SPIRE1: variants seen among roughly 807,000 people sequenced by gnomAD.
SPIRE1 encodes the protein spire type actin nucleation factor 1, also known as protein spire homolog 1.
A neutral mutation model predicts 94.1 loss-of-function variants in SPIRE1; 40 were observed. That is an observed-to-expected ratio of 0.43 (90% CI 0.33 to 0.55). The LOEUF is 0.55. Among genes scored for constraint, SPIRE1 ranks in the 20% least tolerant of loss-of-function variants. SPIRE1 has a pLI of 0.06. For synonymous variants in SPIRE1, 376 were observed against 371.7 expected (o/e 1.01, Z -0.13); for missense variants, 838 against 975.2 (o/e 0.86, Z 1.87).
chr18:12,484,822 C>T (rs547993539), intron 9 of SPIRE1, among the ~76,000 whole-genome samples: 18 of 152,260 alleles, frequency 1.2e-4, no homozygotes, highest in Admixed American at 2.0e-4. Flanking sequence ...CTTTGGGAGG[C>T]CAAGGTTGGT....
At chr18:12,545,143 G>T (rs189703873) in intron 3 of SPIRE1, among the ~76,000 whole-genome samples, 1 of 152,074 alleles carries the variant, frequency 6.6e-6, no homozygotes, top group South Asian at 2.1e-4. Context: ...AAGTTTAATT[G>T]GCCTTTAAGT....
chr18:12,488,196 C>G (rs573837192), intron 8 of SPIRE1, among the ~76,000 whole-genome samples: 3 of 152,332 alleles, frequency 2.0e-5, no homozygotes, highest in South Asian at 4.1e-4. Flanking sequence ...TCTTTTAAAT[C>G]CTCTTCATAT....
At chr18:12,466,429 A>G (rs2032103622) in intron 10 of SPIRE1, among the ~76,000 whole-genome samples, 1 of 152,026 alleles carries the variant, frequency 6.6e-6, no homozygotes, top group Admixed American at 6.5e-5. Context: ...GGTGAGTGCC[A>G]CCACGCCCGG....
intron 2 of SPIRE1, among the ~76,000 whole-genome samples, chr18:12,588,225 ATATT>A (rs1385341790): frequency 6.6e-6 from 1 of 152,190 alleles, no homozygotes; most frequent in Non-Finnish European, 1.5e-5. Flanking sequence ...CAGTTGATAG[ATATT>A]TAGTTGTTTC....
intron 10 of SPIRE1, among the ~76,000 whole-genome samples, chr18:12,476,556 AAAAAAAAAATAT>A (rs1435684954): frequency 1.5e-3 from 127 of 85,296 alleles, no homozygotes; most frequent in African/African-American, 7.3e-3. Context: ...AAAAAAAAAA[AAAAAAAAAATAT>A]ATATATATAT....
intron 2 of SPIRE1, among the ~76,000 whole-genome samples, chr18:12,626,099 T>C (rs915277194): frequency 2.8e-5 from 4 of 141,808 alleles, no homozygotes; most frequent in African/African-American, 1.1e-4. Flanking sequence ...AGCCAGAAGG[T>C]AGAATCAATT....
chr18:12,561,270 T>A (rs1173408480), intron 2 of SPIRE1, among the ~76,000 whole-genome samples: 1 of 56,046 alleles, frequency 1.8e-5, no homozygotes, highest in Non-Finnish European at 6.5e-5. Flanking sequence ...ATAGATCAAT[T>A]TTTTTTTTTT....
At chr18:12,552,063 C>T (rs934220525) in intron 2 of SPIRE1, among the ~76,000 whole-genome samples, 19 of 152,334 alleles carry the variant, frequency 1.2e-4, no homozygotes, top group Admixed American at 5.9e-4. Flanking sequence ...GAGGCCAATG[C>T]CCACTCACAG....
chr18:12,475,349 A>G (rs562833386), intron 10 of SPIRE1, among the ~76,000 whole-genome samples: 49 of 152,286 alleles, frequency 3.2e-4, no homozygotes, highest in African/African-American at 1.2e-3. Flanking sequence ...ACCCTAAGAC[A>G]CTGTGCTCAC....
intron 4 of SPIRE1, among the ~76,000 whole-genome samples, chr18:12,523,230 A>G (rs920125993): frequency 1.3e-5 from 2 of 152,220 alleles, no homozygotes; most frequent in Non-Finnish European, 2.9e-5. Flanking sequence ...AGTCAACAGA[A>G]TAAGAAGTGG....
At chr18:12,615,343 A>ATATAT (rs1302326675) in intron 2 of SPIRE1, among the ~76,000 whole-genome samples, 2 of 35,400 alleles carry the variant, frequency 5.6e-5, no homozygotes, top group Non-Finnish European at 1.9e-4. Context: ...AAAAAAAAAA[A>ATATAT]AAATATATAT....
At chr18:12,573,222 A>G (rs2036002152) in intron 2 of SPIRE1, among the ~76,000 whole-genome samples, 1 of 152,238 alleles carries the variant, frequency 6.6e-6, no homozygotes, top group Admixed American at 6.5e-5. Flanking sequence ...GATGGAAAAT[A>G]AGCATATGAA....
chr18:12,649,613 A>G (rs2038321019), intron 1 of SPIRE1, among the ~76,000 whole-genome samples: 1 of 152,226 alleles, frequency 6.6e-6, no homozygotes, highest in South Asian at 2.1e-4. Flanking sequence ...GACCAATGAT[A>G]CAGGAGAGTG....
rs147296670 is a variant in SPIRE1 at position 12,483,419 on chromosome 18, T to A, written c.1231+2540A>T. Among the ~76,000 whole-genome samples the A allele has an allele frequency of 9.3e-3, 1,413 of 152,312 alleles. 11 individuals are homozygous for A. The highest frequency in any genetic ancestry group is 0.015 in the Non-Finnish European group (1,042 of 68,030). ...TTTCTTAAAAAAAAACTGGTGATAT[T>A]TATATGTAAGCAAAATATTTAAGAG... On this transcript the variant is annotated intron_variant, in intron 9 of 16. Coordinates refer to ENST00000409402, the MANE Select transcript of SPIRE1 (RefSeq NM_001128626.2).
At chr18:12,568,360 C>T (rs548361378) in intron 2 of SPIRE1, among the ~76,000 whole-genome samples, 3 of 152,244 alleles carry the variant, frequency 2.0e-5, no homozygotes, top group Admixed American at 6.5e-5. Flanking sequence ...TTACTCTTTC[C>T]TTTATATGCT....
At chr18:12,619,892 G>GA (rs2037418637) in intron 2 of SPIRE1, among the ~76,000 whole-genome samples, 1 of 149,486 alleles carries the variant, frequency 6.7e-6, no homozygotes, top group Non-Finnish European at 1.5e-5. Context: ...CATCCAAATT[G>GA]AAAATTAAGT....
chr18:12,541,796 A>C (rs945875299), intron 3 of SPIRE1, among the ~76,000 whole-genome samples: 1 of 152,120 alleles, frequency 6.6e-6, no homozygotes, highest in Non-Finnish European at 1.5e-5. Context: ...AGGCTAGTAC[A>C]ATCCACAGAA....
intron 6 of SPIRE1, among the ~76,000 whole-genome samples, chr18:12,501,936 C>T (rs1191323379): frequency 6.6e-6 from 1 of 152,158 alleles, no homozygotes; most frequent in African/African-American, 2.4e-5. Flanking sequence ...CACTCCAGCC[C>T]AGGCGACAGA....
intron 3 of SPIRE1, among the ~76,000 whole-genome samples, chr18:12,538,300 CA>C (rs1456847656): frequency 6.6e-6 from 1 of 152,060 alleles, no homozygotes; most frequent in Non-Finnish European, 1.5e-5. Flanking sequence ...AAAGAGACAT[CA>C]GGGGTTAGGG....
Sources: gnomAD v4.1 joint callset for allele counts (sites outside exome capture counted in the v4.1 genomes callset) on GRCh38, gnomAD v4.1.1 for gene constraint, MANE v1.5 for transcripts, NCBI Gene and HGNC (gene_info 2026-07-23, HGNC 2026-07-21) for gene names.